The following KCNK7 variants were observed in gnomAD, a reference collection of about 807,000 sequenced individuals.
KCNK7 encodes potassium two pore domain channel subfamily K member 7.
Under a neutral mutation model 18.1 loss-of-function variants are expected in KCNK7, and 14 were observed. The observed-to-expected ratio is 0.77, with a 90% CI of 0.51 to 1.21. The LOEUF (loss-of-function observed/expected upper bound fraction) is 1.21. Ranked by LOEUF, KCNK7 falls within the 50% of genes most tolerant of loss-of-function variation. The probability of loss-of-function intolerance (pLI) is 0.00; values close to 1 mark genes in which losing one functional copy is unlikely to be tolerated. For missense variants in KCNK7, 385 were observed against 387.3 expected, an observed-to-expected ratio of 0.99 and a Z score of 0.05; for synonymous variants, 188 against 184.7, an observed-to-expected ratio of 1.02 and a Z score of -0.15.
rs1216621191 is a variant in KCNK7 at position 65,595,734 on chromosome 11, C to A, written c.39G>T (p.Leu13=). Reference sequence around the variant, plus strand: ...CCAGGGCCAGCAAGTGGGCCACAACCAGGAGCCCGTATCGGGACCAGGGCC... The same window carrying A: ...CCAGGGCCAGCAAGTGGGCCACAACAAGGAGCCCGTATCGGGACCAGGGCC... ...GLRPWSRYGL[L]VVAHLLALGL... The change falls in exon 1 of 3, where the codon CTG becomes CTT. Residue 13 remains leucine, a synonymous_variant. Coordinates refer to ENST00000340313, the MANE Select transcript of KCNK7 (RefSeq NM_033347.2). 6.3e-7 allele frequency: 1 copy of A among 1,578,786 alleles called. No homozygotes were observed. Among genetic ancestry groups the A allele is most frequent in the East Asian group, 2.3e-5 (1 of 43,748 alleles).
Position 65,594,783 on chromosome 11 carries a change from T to C in KCNK7, c.319+671A>G, listed in dbSNP as rs184130014. ...TACTCAGGAGGCTGAGGCAGGAGAA[T>C]TGCTAGAACCCGGGAGGTGGAGGTT... On this transcript the variant is annotated intron_variant, in intron 1 of 2. Coordinates refer to ENST00000340313, the MANE Select transcript of KCNK7 (RefSeq NM_033347.2). Among the ~76,000 whole-genome samples, 216 of 151,944 alleles carry C rather than the reference T, an allele frequency of 1.4e-3. 2 individuals are homozygous for C. The highest frequency in any genetic ancestry group is 5.2e-3 in the African/African-American group (215 of 41,414).
intron 1 of KCNK7, 146 bp downstream of exon 1, chr11:65,595,308 C>T (rs1382337654): frequency 1.5e-6 from 1 of 668,510 alleles, no homozygotes; most frequent in African/African-American, 1.8e-5. Flanking sequence ...TGGTGGGGAG[C>T]CCCAGCTGTG....
intron 1 of KCNK7, 136 bp downstream of exon 1, chr11:65,595,318 G>A: frequency 1.4e-6 from 1 of 724,614 alleles, no homozygotes; most frequent in Non-Finnish European, 2.0e-6. Flanking sequence ...CCCCAGCTGT[G>A]ATGTCAGGCC....
Position 65,595,537 on chromosome 11 carries a change from G to A in KCNK7, c.236C>T (p.Ser79Phe), listed in dbSNP as rs570596099. Residue 79 changes from serine (S) to phenylalanine (F), a missense_variant, in exon 1 of 3, where the codon TCC becomes TTC. Transcript: ENST00000340313. ...GCCCTCTGAGCTGTTGCCCAGGGTG[G>A]AGACCCCATGGGCCTGGGTGGCCAG... ...TALATQAHGV[S>F]TLGNSSEGRT... 3 of 1,573,808 alleles carry A rather than the reference G, an allele frequency of 1.9e-6. No homozygotes were observed. The African/African-American group carries it at 4.0e-5, about 21-fold the overall frequency.
rs766719916 is a variant in KCNK7 at position 65,593,492 on chromosome 11, G to A, written c.702C>T (p.Gly234=). The A allele has an allele frequency of 4.6e-5, 74 of 1,613,502 alleles. No individual in the cohort carries two copies. Among genetic ancestry groups the A allele is most frequent in the Non-Finnish European group, 5.5e-5 (65 of 1,179,996 alleles). Residue 234 remains glycine, a synonymous_variant, in exon 2 of 3, where the codon GGC becomes GGT. Coordinates refer to ENST00000340313, the MANE Select transcript of KCNK7 (RefSeq NM_033347.2). ...RSLHPVIYHL[G]QLALLGYLLL... ...TGGACTTACCAAGAAGTGCGAGCTG[G>A]CCCAGGTGGTAAATCACGGGGTGCA...
chr11:65,593,999 A>ACC, intron 1 of KCNK7, 125 bp from the exon 2 acceptor site: 12 of 1,014,702 alleles, frequency 1.2e-5, no homozygotes, highest in Admixed American at 6.6e-5. Flanking sequence ...GGCCAGGCCC[A>ACC]GGTTCTAGCT....
rs770048965 is a variant in KCNK7 at position 65,593,001 on chromosome 11, C to T, written c.*4G>A. On this transcript the variant is annotated 3_prime_UTR_variant, in exon 3 of 3. Transcript: ENST00000340313. ...TACGGAGCTGAACTCGGTCACCTGACGCTTCAGCAAGCAGGGGCTTGTCCT... is the reference window on the plus strand; with the variant it reads ...TACGGAGCTGAACTCGGTCACCTGATGCTTCAGCAAGCAGGGGCTTGTCCT... The T allele has an allele frequency of 6.2e-7, 1 of 1,612,118 alleles. No individual in the cohort carries two copies. The highest frequency in any genetic ancestry group is 8.5e-7 in the Non-Finnish European group (1 of 1,179,562).
chr11:65,595,294 G>T, intron 1 of KCNK7, among the ~76,000 whole-genome samples, 160 bp downstream of exon 1: 1 of 152,248 alleles, frequency 6.6e-6, no homozygotes, highest in East Asian at 1.9e-4. Flanking sequence ...CAGTTGGGGT[G>T]TGTTGGTGGG....
Position 65,595,590 on chromosome 11 carries a change from TC to T in KCNK7, c.182del (p.Gly61GlufsTer74), listed in dbSNP as rs1343497020. ...QAEHRACLPP[G>X]ALEELLGTAL... ...CAGTGCCCAGCAGCTCTTCCAGAGC[TC>T]CGGGTGGCAGGCAGGCCCTATGCTC... On this transcript the variant is annotated frameshift_variant, in exon 1 of 3. Coordinates refer to ENST00000340313, the MANE Select transcript of KCNK7 (RefSeq NM_033347.2). LOFTEE classifies it high-confidence loss of function. 1 of 1,593,578 alleles carries T rather than the reference TC, an allele frequency of 6.3e-7. No homozygotes were observed. The highest frequency in any genetic ancestry group is 8.6e-7 in the Non-Finnish European group (1 of 1,167,038).
chr11:65,593,178 G>C lies in KCNK7; in HGVS notation c.751C>G (p.Leu251Val). ...YLLLGLLAML[L>V]AVETFSELPQ... is the part of the protein sequence containing the mutation. The stretch of plus-strand genomic sequence containing the variant: ...AGCTCAGAGAAGGTCTCCACTGCCA[G>C]CAGCATGGCCAAGAGTCCTAGAAGC... Residue 251 changes from leucine (L) to valine (V), a missense_variant, in exon 3 of 3, where the codon CTG becomes GTG. Transcript: ENST00000340313. 1 of 1,613,558 alleles carries C rather than the reference G, an allele frequency of 6.2e-7. No homozygotes were observed. The highest frequency in any genetic ancestry group is 8.5e-7 in the Non-Finnish European group (1 of 1,179,778).
At chr11:65,593,276 G>C (rs916258648) in intron 2 of KCNK7, 66 bp from the exon 3 acceptor site, 1 of 1,613,354 alleles carries the variant, frequency 6.2e-7, no homozygotes, top group Non-Finnish European at 8.5e-7. Context: ...ACCTCCCAGC[G>C]CAGTGACTTG....
At position 65,593,189 on chromosome 11, in the gene KCNK7, A is replaced by G; in HGVS notation, c.740T>C (p.Leu247Ser). 1 of 1,613,512 alleles carries G rather than the reference A, an allele frequency of 6.2e-7. No individual in the cohort carries two copies. Among genetic ancestry groups the G allele is most frequent in the East Asian group, 2.2e-5 (1 of 44,836 alleles). Residue 247 changes from leucine (L) to serine (S), a missense_variant, in exon 3 of 3, where the codon TTG becomes TCG. By Grantham distance (145) the Leu-to-Ser change is moderately radical. Coordinates refer to ENST00000340313, the MANE Select transcript of KCNK7 (RefSeq NM_033347.2). ...ALLGYLLLGL[L>S]AMLLAVETFS... ...GGTCTCCACTGCCAGCAGCATGGCC[A>G]AGAGTCCTAGAAGCAAGTAACCTGG... is the stretch of plus-strand genomic sequence containing the variant.
intron 2 of KCNK7, 72 bp downstream of exon 2, chr11:65,593,404 G>T: frequency 1.2e-6 from 2 of 1,613,716 alleles, no homozygotes; most frequent in Non-Finnish European, 1.7e-6. Flanking sequence ...CAGCCCCCCA[G>T]TGATTTATGG....
At chr11:65,593,942 C>A (rs1854292319) in intron 1 of KCNK7, 68 bp from the exon 2 acceptor site, 1 of 1,450,714 alleles carries the variant, frequency 6.9e-7, no homozygotes, top group Non-Finnish European at 9.1e-7. Context: ...CCCTGCCTAC[C>A]CCAATACTGC....
rs773988339 is a variant in KCNK7 at position 65,595,651 on chromosome 11, G to T, written c.122C>A (p.Ala41Asp). 1 of 1,605,166 alleles carries T rather than the reference G, an allele frequency of 6.2e-7. No homozygotes were observed. Among genetic ancestry groups the T allele is most frequent in the South Asian group, 1.1e-5 (1 of 89,956 alleles). Residue 41 changes from alanine to aspartate, a missense_variant, in exon 1 of 3, where the codon GCT becomes GAT. Transcript: ENST00000340313. ...GGCTGCCAGCTCTGCCCTGAGCTCAGCCTGAAGCCTGCATGCAGGAGGCCC... is the reference window on the plus strand; with the variant it reads ...GGCTGCCAGCTCTGCCCTGAGCTCATCCTGAAGCCTGCATGCAGGAGGCCC... Reference protein sequence around the residue: ...LEGPPACRLQAELRAELAAFQ... With the variant: ...LEGPPACRLQDELRAELAAFQ...
chr11:65,593,918 A>T, intron 1 of KCNK7, 44 bp from the exon 2 acceptor site: 1 of 1,497,176 alleles, frequency 6.7e-7, no homozygotes, highest in Non-Finnish European at 8.9e-7. Context: ...TCTGAGTGCC[A>T]TGTCTGCTGG....
rs1858431253 is a variant in KCNK7, at chr11:65,592,946, T to C, written c.*59A>G. ...CTCCAGATTCTTCCCCAGCCACTCC[T>C]GGCTGCTTCCTCCTCAGGTGCCGCC... On this transcript the variant is annotated 3_prime_UTR_variant, in exon 3 of 3. Coordinates refer to ENST00000340313, the MANE Select transcript of KCNK7 (RefSeq NM_033347.2). 1.9e-6 allele frequency: 3 copies of C among 1,564,098 alleles called. No homozygotes were observed.
In KCNK7 at chr11:65,593,796, G is replaced by A; in HGVS notation, c.398C>T (p.Ser133Phe). The A allele has an allele frequency of 6.2e-7, 1 of 1,606,552 alleles. No individual in the cohort carries two copies. The highest frequency in any genetic ancestry group is 8.5e-7 in the Non-Finnish European group (1 of 1,176,044). Residue 133 changes from serine to phenylalanine, a missense_variant, in exon 2 of 3, where the codon TCC (serine) becomes TTC (phenylalanine). Ser to Phe is a radical substitution (Grantham distance 155, BLOSUM62 -2). Coordinates refer to ENST00000340313, the MANE Select transcript of KCNK7 (RefSeq NM_033347.2). ...MVYAALGLPA[S>F]LALVATLRHC... ...GCGCAGGGTGGCCACGAGAGCTAAGGAGGCTGGCAGCCCCAGGGCTGCATA... is the reference window on the plus strand; with the variant it reads ...GCGCAGGGTGGCCACGAGAGCTAAGAAGGCTGGCAGCCCCAGGGCTGCATA...
intron 1 of KCNK7, 144 bp from the exon 2 acceptor site, chr11:65,594,018 T>C: frequency 1.4e-5 from 11 of 806,824 alleles, no homozygotes; most frequent in Non-Finnish European, 2.0e-5. Context: ...CTGGCTCTGC[T>C]CCTCTTCGTC....
Sources: allele counts gnomAD v4.1 joint callset (sites outside exome capture counted in the v4.1 genomes callset), GRCh38; gene constraint gnomAD v4.1.1; transcripts MANE v1.5; gene names NCBI Gene and HGNC (gene_info 2026-07-23, HGNC 2026-07-21).